The following PRKG1 variants were observed in gnomAD, a reference collection of about 807,000 sequenced individuals.
PRKG1 encodes the protein protein kinase cGMP-dependent 1, also known as cGMP-dependent protein kinase 1.
Under a neutral mutation model 88.1 loss-of-function variants are expected in PRKG1, and 35 were observed. The observed-to-expected ratio is 0.40, with a 90% CI of 0.30 to 0.53. PRKG1 has a LOEUF of 0.53. Among genes scored for constraint, PRKG1 ranks in the 20% least tolerant of loss-of-function variants. The pLI, the probability that PRKG1 is intolerant of heterozygous loss-of-function variation, is 0.59. For synonymous variants in PRKG1, 303 were observed against 292.5 expected (o/e 1.04, Z -0.37); for missense variants, 540 against 839.8 (o/e 0.64, Z 4.41).
chr10:51,376,169 A>G (rs867638799), intron 2 of PRKG1, among the ~76,000 whole-genome samples: 1 of 152,342 alleles, frequency 6.6e-6, no homozygotes. Context: ...ATGCTACTAC[A>G]ACAATGGACC....
intron 2 of PRKG1, among the ~76,000 whole-genome samples, chr10:51,413,374 GT>G (rs869115974): frequency 1.4e-5 from 2 of 138,576 alleles, no homozygotes; most frequent in Non-Finnish European, 3.3e-5. Flanking sequence ...TTGTTTGTTT[GT>G]TTTTGTTTTT....
intron 3 of PRKG1, among the ~76,000 whole-genome samples, chr10:51,590,382 C>T (rs1838281479): frequency 6.6e-6 from 1 of 152,116 alleles, no homozygotes; most frequent in Non-Finnish European, 1.5e-5. Flanking sequence ...AATGCTGAGT[C>T]CCTCTGGCTA....
intron 9 of PRKG1, among the ~76,000 whole-genome samples, chr10:52,218,072 C>T (rs548389819): frequency 2.0e-5 from 3 of 151,650 alleles, no homozygotes; most frequent in Non-Finnish European, 2.9e-5. Flanking sequence ...ATTAGCTGGG[C>T]GTGGTGGCAC....
chr10:52,289,090 T>C (rs1370449512), intron 16 of PRKG1, 97 bp downstream of exon 16: 6 of 1,187,850 alleles, frequency 5.1e-6, no homozygotes, highest in Non-Finnish European at 6.0e-6. Flanking sequence ...AATTAGCCTA[T>C]AGGAACATCC....
intron 8 of PRKG1, among the ~76,000 whole-genome samples, chr10:52,139,807 G>A (rs1231486127): frequency 6.6e-6 from 1 of 151,962 alleles, no homozygotes; most frequent in Non-Finnish European, 1.5e-5. Context: ...CTTCTGAGTG[G>A]GGTCTCCAGG....
At chr10:51,538,518 A>C (rs973013113) in intron 3 of PRKG1, among the ~76,000 whole-genome samples, 1 of 86,458 alleles carries the variant, frequency 1.2e-5, no homozygotes, top group Non-Finnish European at 2.5e-5. Flanking sequence ...CTGGACACAC[A>C]TACAAAAGTA....
At chr10:51,194,411 CCA>C (rs376549398) in intron 2 of PRKG1, among the ~76,000 whole-genome samples, 89 of 152,002 alleles carry the variant, frequency 5.9e-4, no homozygotes, top group Middle Eastern at 3.4e-3. Flanking sequence ...CTGACAGGCC[CCA>C]GTGTGTGATG....
chr10:51,498,734 G>C (rs981529172), intron 3 of PRKG1, among the ~76,000 whole-genome samples: 2 of 152,170 alleles, frequency 1.3e-5, no homozygotes, highest in African/African-American at 4.8e-5. Context: ...TCTTAAGTGG[G>C]TGAGGAAGTG....
chr10:52,032,285 A>C (rs375283476), intron 5 of PRKG1, among the ~76,000 whole-genome samples: 1 of 152,234 alleles, frequency 6.6e-6, no homozygotes, highest in African/African-American at 2.4e-5. Context: ...TAGAAAATCA[A>C]ACTGTGAGCA....
chr10:51,722,265 G>A (rs1004756993), intron 3 of PRKG1, among the ~76,000 whole-genome samples: 1 of 151,342 alleles, frequency 6.6e-6, no homozygotes. Flanking sequence ...TTCAATTATG[G>A]CTGTTTGCCA....
chr10:51,549,613 T>C (rs1160991022), intron 3 of PRKG1, among the ~76,000 whole-genome samples: 2 of 152,172 alleles, frequency 1.3e-5, no homozygotes, highest in African/African-American at 4.8e-5. Context: ...TCAGATTACC[T>C]GTTTAAAGAT....
intron 2 of PRKG1, among the ~76,000 whole-genome samples, chr10:51,405,405 T>C (rs1837881080): frequency 6.6e-6 from 1 of 152,232 alleles, no homozygotes; most frequent in Non-Finnish European, 1.5e-5. Context: ...TTTCAAACAA[T>C]GCCAGACAAA....
chr10:51,215,802 C>G (rs772112321), intron 2 of PRKG1, among the ~76,000 whole-genome samples: 2 of 152,152 alleles, frequency 1.3e-5, no homozygotes, highest in Admixed American at 6.6e-5. Context: ...GGAAATTCCT[C>G]TATATACAGA....
intron 3 of PRKG1, among the ~76,000 whole-genome samples, chr10:51,602,742 G>A (rs1206509282): frequency 0.036 from 1,852 of 50,898 alleles, 52 homozygotes; most frequent in East Asian, 0.35. Flanking sequence ...ATGTGTGTGT[G>A]TGTGTGTGTG....
intron 2 of PRKG1, among the ~76,000 whole-genome samples, chr10:51,411,724 T>G (rs1194758613): frequency 6.6e-6 from 1 of 152,202 alleles, no homozygotes; most frequent in African/African-American, 2.4e-5. Flanking sequence ...ACTTATATTT[T>G]TCCTTCAGCC....
intron 2 of PRKG1, among the ~76,000 whole-genome samples, chr10:51,271,117 GCCATAC>G: frequency 6.6e-6 from 1 of 152,200 alleles, no homozygotes; most frequent in East Asian, 1.9e-4. Context: ...CTCCTATGTG[GCCATAC>G]AGCTGTGAAG....
chr10:51,123,185 A>G (rs1764428415), intron 1 of PRKG1, among the ~76,000 whole-genome samples: 1 of 152,192 alleles, frequency 6.6e-6, no homozygotes, highest in Admixed American at 6.5e-5. Flanking sequence ...ACACTTCCAA[A>G]AACTAGTTCT....
At chr10:51,485,369 T>G (rs967580594) in intron 3 of PRKG1, among the ~76,000 whole-genome samples, 8 of 152,196 alleles carry the variant, frequency 5.3e-5, no homozygotes, top group Non-Finnish European at 1.2e-4. Context: ...AACATTTTCT[T>G]GTTTTGAATA....
At chr10:51,304,230 A>G (rs2132245797) in intron 2 of PRKG1, among the ~76,000 whole-genome samples, 1 of 149,758 alleles carries the variant, frequency 6.7e-6, no homozygotes, top group East Asian at 2.0e-4. Context: ...AAATCAGTGT[A>G]AGCACTTGAA....
Sources: gnomAD v4.1 joint callset for allele counts (sites outside exome capture counted in the v4.1 genomes callset) on GRCh38, gnomAD v4.1.1 for gene constraint, MANE v1.5 for transcripts, NCBI Gene and HGNC (gene_info 2026-07-23, HGNC 2026-07-21) for gene names.